THOC7: variants seen among roughly 807,000 people sequenced by gnomAD.
The protein encoded by THOC7 is THO complex subunit 7.
In THOC7, 22 loss-of-function variants were observed where a neutral mutation model predicts 33.1. That is an observed-to-expected ratio of 0.66 (90% CI 0.47 to 0.95). The LOEUF (loss-of-function observed/expected upper bound fraction) is 0.95, where lower values mean the gene tolerates loss of function less well. THOC7 is among the 40% of genes least tolerant of loss of function. The pLI, the probability that THOC7 is intolerant of heterozygous loss-of-function variation, is 0.00. For missense variants in THOC7, 184 were observed against 245.3 expected (o/e 0.75, Z 1.67); for synonymous variants, 77 against 76.8 (o/e 1.00, Z -0.01).
intron 1 of THOC7, among the ~76,000 whole-genome samples, chr3:63,840,614 T>C (rs1296303236): frequency 2.0e-5 from 3 of 151,934 alleles, no homozygotes; most frequent in Non-Finnish European, 4.4e-5. Context: ...AAATAAAAAA[T>C]AAAAAAATAC....
chr3:63,845,903 CA>C (rs1385295131), intron 1 of THOC7, among the ~76,000 whole-genome samples: 1 of 152,100 alleles, frequency 6.6e-6, no homozygotes, highest in East Asian at 1.9e-4. Flanking sequence ...ATTATGATGC[CA>C]TTACATGGAA....
At chr3:63,844,719 C>G (rs1701849260) in intron 1 of THOC7, among the ~76,000 whole-genome samples, 1 of 152,154 alleles carries the variant, frequency 6.6e-6, no homozygotes, top group Admixed American at 6.5e-5. Context: ...TCTCCTTTGC[C>G]ATGTGATACC....
At chr3:63,846,288 A>G in intron 1 of THOC7, 1 of 419,136 alleles carries the variant, frequency 2.4e-6, no homozygotes, top group South Asian at 1.7e-5. Flanking sequence ...TCCCCAAGCG[A>G]CTTGCACTCC....
chr3:63,858,477 C>T (rs899803362), intron 1 of THOC7, among the ~76,000 whole-genome samples: 33 of 151,986 alleles, frequency 2.2e-4, no homozygotes, highest in African/African-American at 5.3e-4. Context: ...AAAAAGCTAC[C>T]GTCAAAACCA....
intron 1 of THOC7, among the ~76,000 whole-genome samples, chr3:63,855,282 A>G (rs202111700): frequency 6.6e-6 from 1 of 151,724 alleles, no homozygotes; most frequent in South Asian, 2.1e-4. Context: ...CATACAAAAT[A>G]TCTTTCAAAA....
At chr3:63,863,514 C>G (rs1431871431) in intron 1 of THOC7, 1 of 1,188,690 alleles carries the variant, frequency 8.4e-7, no homozygotes, top group Non-Finnish European at 1.0e-6. Context: ...CCTATAGCCC[C>G]GCGCTGCCTC....
At chr3:63,840,901 C>A (rs1319700079) in intron 1 of THOC7, among the ~76,000 whole-genome samples, 1 of 152,336 alleles carries the variant, frequency 6.6e-6, no homozygotes, top group East Asian at 1.9e-4. Context: ...TAAAAACACA[C>A]TACCATTCTG....
chr3:63,863,670 G>A (rs1198544859), intron 1 of THOC7, 102 bp downstream of exon 1: 21 of 1,232,242 alleles, frequency 1.7e-5, no homozygotes, highest in Middle Eastern at 6.3e-4. Context: ...AAGAGGCCGG[G>A]GAGGCCGAGG....
chr3:63,842,229 A>T (rs1264823491), intron 1 of THOC7, among the ~76,000 whole-genome samples: 1 of 152,198 alleles, frequency 6.6e-6, no homozygotes, highest in Non-Finnish European at 1.5e-5. Flanking sequence ...CAACATCACT[A>T]ATCAGGGAAA....
chr3:63,843,606 T>C (rs1228867772), intron 1 of THOC7, among the ~76,000 whole-genome samples: 2 of 151,644 alleles, frequency 1.3e-5, no homozygotes, highest in Non-Finnish European at 2.9e-5. Flanking sequence ...ATGAATGAAT[T>C]AAAAAAAATG....
intron 1 of THOC7, among the ~76,000 whole-genome samples, chr3:63,859,155 A>C (rs1321946713): frequency 6.6e-6 from 1 of 152,240 alleles, no homozygotes; most frequent in African/African-American, 2.4e-5. Context: ...ATCCAAGCCC[A>C]CATTTCTCTC....
chr3:63,850,108 C>T (rs1559607494), intron 1 of THOC7, among the ~76,000 whole-genome samples: 1 of 152,140 alleles, frequency 6.6e-6, no homozygotes, highest in Non-Finnish European at 1.5e-5. Context: ...TTAATTATTC[C>T]TTATTTATGC....
At chr3:63,862,623 A>G (rs1163129329) in intron 1 of THOC7, among the ~76,000 whole-genome samples, 1 of 152,196 alleles carries the variant, frequency 6.6e-6, no homozygotes, top group Non-Finnish European at 1.5e-5. Flanking sequence ...ACTCTTTATC[A>G]GTCTGGAAAT....
intron 1 of THOC7, among the ~76,000 whole-genome samples, chr3:63,850,498 G>A (rs1388850622): frequency 6.6e-6 from 1 of 150,532 alleles, no homozygotes; most frequent in African/African-American, 2.4e-5. Flanking sequence ...ACCATGCCTG[G>A]CCTCTGCTTT....
intron 1 of THOC7, chr3:63,863,439 A>C (rs1053872989): frequency 9.0e-7 from 1 of 1,116,546 alleles, no homozygotes; most frequent in Non-Finnish European, 1.1e-6. Flanking sequence ...CCGCCCTTGC[A>C]CCGCTTCTAG....
At position 63,838,080 on chromosome 3, in the gene THOC7, T is replaced by C; in HGVS notation, c.266-18A>G. ...GCTACATTCTATATGAGAAGGTTTT[T>C]TAAAAGATAGTTGTAACAAAATCAA... On this transcript the variant is annotated intron_variant, in intron 3 of 7. Coordinates refer to ENST00000295899, the MANE Select transcript of THOC7 (RefSeq NM_025075.4). The C allele has an allele frequency of 6.3e-7, 1 of 1,575,150 alleles. No individual in the cohort carries two copies. The highest frequency in any genetic ancestry group is 8.6e-7 in the Non-Finnish European group (1 of 1,163,044).
intron 1 of THOC7, among the ~76,000 whole-genome samples, chr3:63,847,711 T>C (rs1559606652): frequency 1.3e-5 from 2 of 151,948 alleles, no homozygotes; most frequent in African/African-American, 4.8e-5. Flanking sequence ...CACTCCAGTC[T>C]GGGCAACAGA....
upstream of THOC7, chr3:63,863,903 C>T (rs1329065551): frequency 1.6e-5 from 17 of 1,083,512 alleles, no homozygotes; most frequent in South Asian, 1.3e-4. Context: ...GAGGAGGAGG[C>T]GGCGGCGCCC....
chr3:63,846,649 G>A (rs1701903856), intron 1 of THOC7, among the ~76,000 whole-genome samples: 1 of 152,120 alleles, frequency 6.6e-6, no homozygotes, highest in African/African-American at 2.4e-5. Flanking sequence ...GACCTCAGGT[G>A]ATCCACCCAC....
Sources: allele counts gnomAD v4.1 joint callset (sites outside exome capture counted in the v4.1 genomes callset), GRCh38; gene constraint gnomAD v4.1.1; transcripts MANE v1.5; gene names NCBI Gene and HGNC (gene_info 2026-07-23, HGNC 2026-07-21).